The following TMEM135 variants were observed in gnomAD, a reference collection of about 807,000 sequenced individuals.
TMEM135 encodes peroxisomal membrane protein 52.
In TMEM135, 30 loss-of-function variants were observed where a neutral mutation model predicts 60.3. That is an observed-to-expected ratio of 0.50 (90% CI 0.37 to 0.68). The LOEUF is 0.68. Among genes scored for constraint, TMEM135 ranks in the 30% least tolerant of loss-of-function variants. TMEM135 has a pLI of 0.00. For synonymous variants in TMEM135, 190 were observed against 186.7 expected, an observed-to-expected ratio of 1.02 and a Z score of -0.14; for missense variants, 468 against 548.8, an observed-to-expected ratio of 0.85 and a Z score of 1.47.
intron 4 of TMEM135, among the ~76,000 whole-genome samples, chr11:87,140,067 T>C (rs1333929477): frequency 1.3e-5 from 2 of 151,116 alleles, no homozygotes; most frequent in African/African-American, 4.9e-5. Context: ...TTTTTCTTTC[T>C]TTCTTTTTTT....
chr11:87,252,688 C>T (rs1996498), intron 6 of TMEM135, among the ~76,000 whole-genome samples: 99,067 of 150,406 alleles, frequency 0.66, 33,197 homozygotes, highest in Non-Finnish European at 0.71. Context: ...GGAGAATCGC[C>T]TGGACCTGGG....
intron 5 of TMEM135, among the ~76,000 whole-genome samples, chr11:87,199,234 T>C (rs945619457): frequency 3.3e-5 from 5 of 152,148 alleles, no homozygotes; most frequent in African/African-American, 1.2e-4. Flanking sequence ...GTGGAACTCC[T>C]GACCTCCTTG....
chr11:87,107,788 T>C (rs1857636786), intron 4 of TMEM135, among the ~76,000 whole-genome samples: 1 of 152,166 alleles, frequency 6.6e-6, no homozygotes, highest in African/African-American at 2.4e-5. Context: ...CATATGGGAT[T>C]GCTGGGTCAA....
intron 5 of TMEM135, among the ~76,000 whole-genome samples, chr11:87,207,928 G>T (rs504084): frequency 0.13 from 19,793 of 152,132 alleles, 1,341 homozygotes; most frequent in Non-Finnish European, 0.15. Flanking sequence ...CTGGTCTCAG[G>T]CTTTTAGGTT....
intron 5 of TMEM135, among the ~76,000 whole-genome samples, chr11:87,204,859 G>A (rs1227098033): frequency 6.6e-6 from 1 of 151,968 alleles, no homozygotes; most frequent in Admixed American, 6.6e-5. Flanking sequence ...TGTTGTTCAA[G>A]GGTCAACTTA....
chr11:87,117,333 T>C (rs1033775472), intron 4 of TMEM135, among the ~76,000 whole-genome samples: 3 of 152,200 alleles, frequency 2.0e-5, no homozygotes, highest in African/African-American at 7.2e-5. Flanking sequence ...GCCATATTGA[T>C]TGACTCTTTC....
intron 6 of TMEM135, among the ~76,000 whole-genome samples, chr11:87,240,004 G>A (rs543238322): frequency 1.3e-4 from 20 of 151,990 alleles, no homozygotes; most frequent in Non-Finnish European, 2.2e-4. Context: ...CCAGAAGTAA[G>A]GCTTACGTTC....
chr11:87,046,337 T>G (rs1209168546), intron 1 of TMEM135, among the ~76,000 whole-genome samples: 1 of 152,108 alleles, frequency 6.6e-6, no homozygotes, highest in African/African-American at 2.4e-5. Context: ...CGAGTGGAGA[T>G]CTCAGCTCCC....
At chr11:87,230,119 C>T (rs1423951635) in intron 5 of TMEM135, among the ~76,000 whole-genome samples, 1 of 152,056 alleles carries the variant, frequency 6.6e-6, no homozygotes, top group Non-Finnish European at 1.5e-5. Flanking sequence ...AGTTCCTCTC[C>T]ATCACCCCTT....
chr11:87,070,107 G>A lies in TMEM135; in HGVS notation c.270-1416G>A, dbSNP rs185437122. Among the ~76,000 whole-genome samples the A allele has an allele frequency of 1.5e-3, 231 of 151,920 alleles. 1 individual carries two copies. Among genetic ancestry groups the A allele is most frequent in the African/African-American group, 4.4e-3 (181 of 41,438 alleles). ...AGGATCCCTTGAACCCAGGAATTTC[G>A]GGCTACAGTGAACCATGATTGTAGC... On this transcript the variant is annotated intron_variant, in intron 2 of 14. Coordinates refer to ENST00000305494, the MANE Select transcript of TMEM135 (RefSeq NM_022918.4).
chr11:87,252,568 T>C (rs1308632058), intron 6 of TMEM135, among the ~76,000 whole-genome samples: 6 of 150,464 alleles, frequency 4.0e-5, no homozygotes, highest in Non-Finnish European at 8.9e-5. Flanking sequence ...AGGTCAGGAG[T>C]TTGAGACCAG....
chr11:87,250,376 A>T (rs1376367058), intron 6 of TMEM135, among the ~76,000 whole-genome samples: 1 of 151,672 alleles, frequency 6.6e-6, no homozygotes, highest in Non-Finnish European at 1.5e-5. Context: ...ATGCATTGTT[A>T]TGTTGTTTGC....
chr11:87,186,807 A>AT (rs1247295512), intron 5 of TMEM135, among the ~76,000 whole-genome samples: 1 of 152,080 alleles, frequency 6.6e-6, no homozygotes, highest in East Asian at 1.9e-4. Context: ...TTATGGCCTA[A>AT]TTTTTTTACT....
chr11:87,289,278 A>G (rs774985509), intron 6 of TMEM135, among the ~76,000 whole-genome samples: 61 of 152,122 alleles, frequency 4.0e-4, no homozygotes, highest in Non-Finnish European at 8.2e-4. Flanking sequence ...TCAAATATTT[A>G]TCACGTCTTT....
intron 6 of TMEM135, among the ~76,000 whole-genome samples, chr11:87,289,554 T>G (rs1942229803): frequency 6.8e-6 from 1 of 147,442 alleles, no homozygotes; most frequent in African/African-American, 2.5e-5. Context: ...TCTCCCAGGT[T>G]CAACCGATTC....
chr11:87,133,512 T>C (rs1937996919), intron 4 of TMEM135, among the ~76,000 whole-genome samples: 1 of 152,238 alleles, frequency 6.6e-6, no homozygotes, highest in South Asian at 2.1e-4. Flanking sequence ...AGTTACTTAC[T>C]CTTGATCCCT....
intron 3 of TMEM135, among the ~76,000 whole-genome samples, chr11:87,084,194 T>A (rs931318782): frequency 1.3e-5 from 2 of 152,224 alleles, no homozygotes; most frequent in Non-Finnish European, 2.9e-5. Flanking sequence ...TGCTTAGAAT[T>A]TCAGCAGGAT....
chr11:87,248,789 G>A (rs1236772158), intron 6 of TMEM135, among the ~76,000 whole-genome samples: 2 of 151,854 alleles, frequency 1.3e-5, no homozygotes, highest in Non-Finnish European at 2.9e-5. Context: ...TTAATTTCTT[G>A]CATCAGTGTT....
chr11:87,231,789 G>T (rs1437106692), intron 5 of TMEM135, among the ~76,000 whole-genome samples: 4 of 151,856 alleles, frequency 2.6e-5, no homozygotes, highest in Non-Finnish European at 5.9e-5. Flanking sequence ...GAAATAGGGG[G>T]AAAAAGGAAA....
Sources: gnomAD v4.1 joint callset for allele counts (sites outside exome capture counted in the v4.1 genomes callset) on GRCh38, gnomAD v4.1.1 for gene constraint, MANE v1.5 for transcripts, NCBI Gene and HGNC (gene_info 2026-07-23, HGNC 2026-07-21) for gene names.